The following DAAM2 variants were observed in gnomAD, a reference collection of about 807,000 sequenced individuals.
The protein encoded by DAAM2 is dishevelled associated activator of morphogenesis 2, also known as disheveled-associated activator of morphogenesis 2.
DAAM2 carries 39 observed loss-of-function variants against 120.7 expected under a neutral mutation model. The observed-to-expected ratio is 0.32, with a 90% confidence interval of 0.25 to 0.42. The LOEUF (loss-of-function observed/expected upper bound fraction) is 0.42. Among genes scored for constraint, DAAM2 ranks in the 10% least tolerant of loss-of-function variants. DAAM2 has a pLI of 1.00. For synonymous variants in DAAM2, 488 were observed against 524.9 expected (o/e 0.93, Z 0.96); for missense variants, 1,283 against 1,401.7 (o/e 0.92, Z 1.35).
chr6:39,817,306 A>G (rs1290382753), intron 1 of DAAM2, among the ~76,000 whole-genome samples: 1 of 152,200 alleles, frequency 6.6e-6, no homozygotes, highest in African/African-American at 2.4e-5. Context: ...AACAATGAGC[A>G]CTTCAGTCAG....
At chr6:39,818,886 C>T (rs1762395240) in intron 1 of DAAM2, 1 of 152,160 alleles carries the variant, frequency 6.6e-6, no homozygotes, top group South Asian at 2.1e-4. Flanking sequence ...TGTGGGCCCT[C>T]ATTTCCTTGT....
chr6:39,856,517 G>T, intron 2 of DAAM2, 47 bp downstream of exon 2: 1 of 1,361,686 alleles, frequency 7.3e-7, no homozygotes, highest in Middle Eastern at 1.9e-4. Context: ...GAGGAGGGTG[G>T]ATGGAGAGGC....
intron 5 of DAAM2, among the ~76,000 whole-genome samples, chr6:39,865,506 G>C (rs990174238): frequency 1.3e-5 from 2 of 152,180 alleles, no homozygotes; most frequent in African/African-American, 4.8e-5. Context: ...GCGGTGTGGT[G>C]TCTCTGGATG....
chr6:39,871,469 G>C lies in DAAM2; in HGVS notation c.978-37G>C, dbSNP rs1210086588. 3 of 1,535,412 alleles carry C rather than the reference G, an allele frequency of 2.0e-6. No homozygotes were observed. In the South Asian group the frequency reaches 3.6e-5, roughly 18 times the overall value. On this transcript the variant is annotated intron_variant, in intron 8 of 24. Coordinates refer to ENST00000274867, the MANE Select transcript of DAAM2 (RefSeq NM_001201427.2). ...CCTCAACCAAGGGTGTGTCCTGGCT[G>C]TAATGTCTACTCTCTCTGTCTCCCC...
intron 1 of DAAM2, among the ~76,000 whole-genome samples, chr6:39,814,641 A>G (rs1020848512): frequency 4.6e-5 from 7 of 152,242 alleles, no homozygotes; most frequent in Non-Finnish European, 8.8e-5. Context: ...TTCTAGTTCC[A>G]TGGAAGAGAA....
intron 1 of DAAM2, among the ~76,000 whole-genome samples, chr6:39,851,035 C>G (rs773410614): frequency 6.6e-6 from 1 of 152,108 alleles, no homozygotes; most frequent in Non-Finnish European, 1.5e-5. Context: ...GCTCCTGAAG[C>G]CTCAATATTT....
chr6:39,816,528 A>G (rs972864150), intron 1 of DAAM2, among the ~76,000 whole-genome samples: 2 of 152,176 alleles, frequency 1.3e-5, no homozygotes, highest in African/African-American at 4.8e-5. Flanking sequence ...ACATTGCCAA[A>G]TGTCTCTGGG....
chr6:39,846,328 A>G (rs1457458050), intron 1 of DAAM2, among the ~76,000 whole-genome samples: 1 of 152,212 alleles, frequency 6.6e-6, no homozygotes, highest in Non-Finnish European at 1.5e-5. Context: ...GATAGGATTC[A>G]ATTCAAACAG....
In DAAM2 at chr6:39,879,272, T is replaced by G; in HGVS notation, c.1640T>G (p.Leu547Arg). The change falls in exon 14 of 25, where the codon CTG becomes CGG. Residue 547 changes from leucine to arginine, a missense_variant. Physicochemically the swap from Leu to Arg is moderately radical, Grantham distance 102. This residue lies in a region of DAAM2 where 748 missense variants were observed against 768.6 expected (regional missense o/e 0.97). Transcript: ENST00000274867. ...TNDLPPPPPP[L>R]PFACCPPPPP... Reference sequence around the variant, plus strand: ...GACCTGCCTCCACCCCCTCCTCCTCTGCCCTTTGCCTGTTGTCCCCCTCCC... The same window carrying G: ...GACCTGCCTCCACCCCCTCCTCCTCGGCCCTTTGCCTGTTGTCCCCCTCCC... 6.6e-7 allele frequency: 1 copy of G among 1,509,182 alleles called. No individual in the cohort carries two copies. Among genetic ancestry groups the G allele is most frequent in the Non-Finnish European group, 9.0e-7 (1 of 1,111,810 alleles). The allele number at this position is 1,509,182 out of a possible 1,614,324, so 93.5% of individuals were successfully genotyped here.
At chr6:39,876,765 GT>G (rs1764889369) in intron 11 of DAAM2, among the ~76,000 whole-genome samples, 1 of 152,078 alleles carries the variant, frequency 6.6e-6, no homozygotes, top group Non-Finnish European at 1.5e-5. Flanking sequence ...ACATATGTCT[GT>G]GTGTGATATT....
chr6:39,868,915 C>T lies in DAAM2; in HGVS notation c.855C>T (p.Leu285=), dbSNP rs533553846. 1.3e-6 allele frequency: 2 copies of T among 1,579,550 alleles called. No individual in the cohort carries two copies. The highest frequency in any genetic ancestry group is 2.3e-5 in the East Asian group (1 of 43,040). ...TCATGTCCTTCATCAATGCTGTCCT[C>T]AATGCTGGAGCTGGAGAGGTGGGGT... ...TAIMSFINAV[L]NAGAGEDNLE... is the part of the protein sequence containing the mutation. The change falls in exon 7 of 25, where the codon CTC becomes CTT. Residue 285 remains leucine, a synonymous_variant. Coordinates refer to ENST00000274867, the MANE Select transcript of DAAM2 (RefSeq NM_001201427.2).
chr6:39,802,375 TCTC>T (rs1761889567), intron 1 of DAAM2, among the ~76,000 whole-genome samples: 1 of 152,216 alleles, frequency 6.6e-6, no homozygotes, highest in Non-Finnish European at 1.5e-5. Context: ...TTACTTTATC[TCTC>T]TGTGCCTTAG....
At chr6:39,856,097 G>T in intron 1 of DAAM2, 150 bp from the exon 2 acceptor site, 1 of 1,256,592 alleles carries the variant, frequency 8.0e-7, no homozygotes, top group Non-Finnish European at 1.0e-6. Context: ...TGCTGTGGGA[G>T]GAGGGGCGAC....
chr6:39,885,451 G>C (rs544361655), intron 15 of DAAM2: 1 of 152,242 alleles, frequency 6.6e-6, no homozygotes, highest in African/African-American at 2.4e-5. Flanking sequence ...CTCCTCATTT[G>C]AGAGTCTTTC....
intron 17 of DAAM2, among the ~76,000 whole-genome samples, chr6:39,889,457 C>T (rs1041121447): frequency 6.6e-6 from 1 of 152,216 alleles, no homozygotes; most frequent in African/African-American, 2.4e-5. Context: ...TTGGAATTCT[C>T]ATTTGGCACA....
chr6:39,897,344 C>T, intron 21 of DAAM2, 62 bp downstream of exon 21: 7 of 1,145,498 alleles, frequency 6.1e-6, no homozygotes, highest in Admixed American at 1.7e-5. Flanking sequence ...TCTTACTTTC[C>T]TCTTTTGGGG....
At chr6:39,837,663 CAAAAAAAAA>C (rs758751293) in intron 1 of DAAM2, among the ~76,000 whole-genome samples, 94 of 41,194 alleles carry the variant, frequency 2.3e-3, no homozygotes, top group Non-Finnish European at 3.6e-3. Context: ...AACTCCATCT[CAAAAAAAAA>C]AAAAAAAAAA....
chr6:39,890,799 G>A (rs1006644294), intron 17 of DAAM2, among the ~76,000 whole-genome samples: 1 of 152,142 alleles, frequency 6.6e-6, no homozygotes, highest in Non-Finnish European at 1.5e-5. Flanking sequence ...GAAGAATAGT[G>A]TACTTTAGGC....
intron 3 of DAAM2, among the ~76,000 whole-genome samples, chr6:39,863,481 C>G (rs912025093): frequency 6.6e-6 from 1 of 151,948 alleles, no homozygotes; most frequent in African/African-American, 2.4e-5. Flanking sequence ...CTGCAGGGCC[C>G]GCTGGCAGCT....
Sources: allele counts gnomAD v4.1 joint callset (sites outside exome capture counted in the v4.1 genomes callset), GRCh38; gene constraint gnomAD v4.1.1; regional missense constraint gnomAD v4.1.1; transcripts MANE v1.5; gene names NCBI Gene and HGNC (gene_info 2026-07-23, HGNC 2026-07-21).